Variants in DOCK3 observed in about 807,000 individuals in gnomAD.
DOCK3 encodes the protein dedicator of cytokinesis protein 3.
A neutral mutation model predicts 265.6 loss-of-function variants in DOCK3; 60 were observed. The observed-to-expected ratio is 0.23, with a 90% CI of 0.18 to 0.28. DOCK3 has a LOEUF of 0.28. Ranked by LOEUF, DOCK3 falls within the 10% of genes least tolerant of loss-of-function variation. The pLI is 1.00. For missense variants in DOCK3, 1,981 were observed against 2,594.3 expected (o/e 0.76, Z 5.14); for synonymous variants, 881 against 938.0 (o/e 0.94, Z 1.11).
chr3:51,115,719 A>G (rs556667686), intron 9 of DOCK3, among the ~76,000 whole-genome samples: 21 of 152,278 alleles, frequency 1.4e-4, no homozygotes, highest in African/African-American at 5.1e-4. Flanking sequence ...GTCTTTGCCC[A>G]TGCCTATGTC....
At chr3:51,107,608 G>A (rs1323836321) in intron 9 of DOCK3, among the ~76,000 whole-genome samples, 1 of 152,098 alleles carries the variant, frequency 6.6e-6, no homozygotes, top group Non-Finnish European at 1.5e-5. Flanking sequence ...TTGAAGACTG[G>A]CTTTCTGAAA....
intron 2 of DOCK3, among the ~76,000 whole-genome samples, chr3:50,800,636 G>C (rs893323273): frequency 2.0e-5 from 3 of 151,756 alleles, no homozygotes; most frequent in African/African-American, 7.3e-5. Flanking sequence ...TAGTTTTGTT[G>C]ATCTTTTGTT....
chr3:50,680,197 AT>A (rs1437729793), intron 1 of DOCK3, among the ~76,000 whole-genome samples: 4 of 146,384 alleles, frequency 2.7e-5, no homozygotes, highest in Admixed American at 1.4e-4. Flanking sequence ...GTATTGGACT[AT>A]TTTTTTCTTT....
At chr3:50,771,884 A>G (rs976376774) in intron 1 of DOCK3, among the ~76,000 whole-genome samples, 1 of 152,028 alleles carries the variant, frequency 6.6e-6, no homozygotes, top group Non-Finnish European at 1.5e-5. Context: ...AAAAAACAAA[A>G]CAAAATAAAA....
intron 12 of DOCK3, among the ~76,000 whole-genome samples, chr3:51,165,202 C>T (rs902997812): frequency 6.6e-6 from 1 of 152,150 alleles, no homozygotes; most frequent in Non-Finnish European, 1.5e-5. Context: ...GATGGGGTTA[C>T]AGGCGTGAGC....
chr3:51,356,096 G>A lies in DOCK3; in HGVS notation c.4257G>A (p.Gln1419=), dbSNP rs1317829125. 6.2e-7 allele frequency: 1 copy of A among 1,613,862 alleles called. No homozygotes were observed. The highest frequency in any genetic ancestry group is 2.2e-5 in the East Asian group (1 of 44,892). ...CCTTCACTTCCTGCCCAGACTTGCA[G>A]ATCTATGCAGTGACGCCCATTCCAG... The part of the protein sequence containing the change: ...AILQCDAQYL[Q]IYAVTPIPDY... The change falls in exon 42 of 53, where the codon CAG becomes CAA. Residue 1419 remains glutamine, a synonymous_variant. Coordinates refer to ENST00000266037, the MANE Select transcript of DOCK3 (RefSeq NM_004947.5).
At chr3:51,055,960 T>C (rs2109173631) in intron 5 of DOCK3, among the ~76,000 whole-genome samples, 1 of 152,324 alleles carries the variant, frequency 6.6e-6, no homozygotes, top group East Asian at 1.9e-4. Flanking sequence ...GAGGATGATA[T>C]CATGGCCCTT....
At chr3:51,375,648 T>A in intron 50 of DOCK3, 100 bp from the exon 51 acceptor site, 4 of 1,345,358 alleles carry the variant, frequency 3.0e-6, no homozygotes, top group Non-Finnish European at 4.3e-6. Flanking sequence ...GTTTTCCCCG[T>A]CTGATCTTGT....
intron 5 of DOCK3, among the ~76,000 whole-genome samples, chr3:50,941,112 C>T (rs1052918062): frequency 2.6e-5 from 4 of 151,938 alleles, no homozygotes; most frequent in Middle Eastern, 3.4e-3. Context: ...CTTGAATGAC[C>T]CTGTTAAAAG....
rs58803813 is a variant in DOCK3, at chr3:50,898,275, C to T, written c.218+8194C>T. On this transcript the variant is annotated intron_variant, in intron 4 of 52. Coordinates refer to ENST00000266037, the MANE Select transcript of DOCK3 (RefSeq NM_004947.5). ...TCTAGTTTATTTGCATAGAGGTGTT[C>T]ATAGTATTCTCTGATGGTAGTTTGT... Among the ~76,000 whole-genome samples, 188 of 152,176 alleles carry T rather than the reference C, an allele frequency of 1.2e-3. 1 individual carries two copies. The highest frequency in any genetic ancestry group is 3.4e-3 in the African/African-American group (143 of 41,544).
chr3:50,706,409 A>T (rs1219585740), intron 1 of DOCK3, among the ~76,000 whole-genome samples: 1 of 152,166 alleles, frequency 6.6e-6, no homozygotes, highest in East Asian at 1.9e-4. Context: ...TACTTTGAAT[A>T]TATCATTCTA....
chr3:50,757,469 G>T (rs936254264), intron 1 of DOCK3, among the ~76,000 whole-genome samples: 1 of 152,010 alleles, frequency 6.6e-6, no homozygotes, highest in African/African-American at 2.4e-5. Context: ...ACTGCGCCTG[G>T]CTCAGATTGT....
intron 2 of DOCK3, among the ~76,000 whole-genome samples, chr3:50,807,249 C>T (rs1277024594): frequency 1.4e-5 from 2 of 144,484 alleles, no homozygotes; most frequent in East Asian, 2.0e-4. Flanking sequence ...CTGCCACGCT[C>T]TTTTTTTTTT....
intron 5 of DOCK3, among the ~76,000 whole-genome samples, chr3:51,014,277 GT>G (rs1367597742): frequency 6.6e-6 from 1 of 151,770 alleles, no homozygotes; most frequent in Non-Finnish European, 1.5e-5. Flanking sequence ...GACCAGAGCT[GT>G]TCCTATTTGG....
chr3:51,195,592 A>G (rs180832994), intron 12 of DOCK3, among the ~76,000 whole-genome samples: 4 of 151,500 alleles, frequency 2.6e-5, no homozygotes, highest in Admixed American at 2.6e-4. Flanking sequence ...TTTTTTTTGT[A>G]TTTTTAATAG....
intron 9 of DOCK3, among the ~76,000 whole-genome samples, chr3:51,135,404 G>A (rs891698942): frequency 6.6e-6 from 1 of 152,168 alleles, no homozygotes; most frequent in Non-Finnish European, 1.5e-5. Flanking sequence ...TAAACACTTA[G>A]GGGATCATGC....
intron 12 of DOCK3, among the ~76,000 whole-genome samples, chr3:51,169,664 A>C (rs974741150): frequency 1.3e-5 from 2 of 152,082 alleles, no homozygotes; most frequent in African/African-American, 4.8e-5. Context: ...GTAATGAAAT[A>C]ATCTGTACAG....
chr3:50,884,949 G>C (rs1394253501), intron 3 of DOCK3, among the ~76,000 whole-genome samples: 8 of 151,946 alleles, frequency 5.3e-5, no homozygotes, highest in Admixed American at 2.6e-4. Context: ...CCATCCTAAG[G>C]GTTTTACCAA....
intron 9 of DOCK3, among the ~76,000 whole-genome samples, chr3:51,125,113 C>T (rs2084211440): frequency 6.6e-6 from 1 of 152,072 alleles, no homozygotes; most frequent in African/African-American, 2.4e-5. Flanking sequence ...CAGACTGAGA[C>T]TCCATTTCAA....
Sources: gnomAD v4.1 joint callset for allele counts (sites outside exome capture counted in the v4.1 genomes callset) on GRCh38, gnomAD v4.1.1 for gene constraint, MANE v1.5 for transcripts, NCBI Gene and HGNC (gene_info 2026-07-23, HGNC 2026-07-21) for gene names.